Variants in VCPKMT observed in about 807,000 individuals in gnomAD.
VCPKMT encodes protein N-lysine methyltransferase METTL21D.
A neutral mutation model predicts 28.6 loss-of-function variants in VCPKMT; 32 were observed. That is an observed-to-expected ratio of 1.12 (90% CI 0.84 to 1.50). The LOEUF (loss-of-function observed/expected upper bound fraction) is 1.50, where lower values mean the gene tolerates loss of function less well. Ranked by LOEUF, VCPKMT falls within the 40% of genes most tolerant of loss-of-function variation. VCPKMT has a pLI of 0.00. For missense variants in VCPKMT, 366 were observed against 285.0 expected (o/e 1.28, Z -2.05); for synonymous variants, 138 against 111.4 (o/e 1.24, Z -1.50).
chr14:50,114,111 G>T (rs1012117712), intron 4 of VCPKMT, among the ~76,000 whole-genome samples, 174 bp downstream of exon 4: 1 of 152,072 alleles, frequency 6.6e-6, no homozygotes. Flanking sequence ...TAAAGTATCA[G>T]AAAAGATGAA....
chr14:50,112,356 G>C (rs1882733059), intron 5 of VCPKMT, among the ~76,000 whole-genome samples: 1 of 129,814 alleles, frequency 7.7e-6, no homozygotes, highest in African/African-American at 2.9e-5. Context: ...CACCAGTCTA[G>C]GCAACACGGT....
chr14:50,110,735 T>C (rs868134129), intron 5 of VCPKMT, among the ~76,000 whole-genome samples: 5 of 152,206 alleles, frequency 3.3e-5, no homozygotes, highest in African/African-American at 1.2e-4. Flanking sequence ...CAAAAATTTG[T>C]AGATGAACGT....
At chr14:50,113,344 TAAAC>T (rs1256966950) in intron 4 of VCPKMT, 7 of 152,204 alleles carry the variant, frequency 4.6e-5, no homozygotes, top group African/African-American at 1.7e-4. Context: ...AACATGAAAA[TAAAC>T]AAACATTTTA....
At chr14:50,106,002 T>G (rs1282237600), downstream of VCPKMT, among the ~76,000 whole-genome samples, 1 of 152,250 alleles carries the variant, frequency 6.6e-6, no homozygotes, top group Non-Finnish European at 1.5e-5. Flanking sequence ...CCGTATGTAC[T>G]AGGGGCCCAC....
In VCPKMT at chr14:50,112,735, A is replaced by T. The variant is rs757670863; in HGVS notation, c.571-16T>A. 1.4e-4 allele frequency: 208 copies of T among 1,510,892 alleles called. No individual in the cohort carries two copies. The highest frequency in any genetic ancestry group is 1.1e-3 in the South Asian group (94 of 83,178). The allele number at this position is 1,510,892 out of a possible 1,614,324, so 93.6% of individuals were successfully genotyped here. ...GCTGAAGGAGCTATAAATTTAAAAG[A>T]GACATACTTCAAATTCAATAATATG... On this transcript the variant is annotated splice_polypyrimidine_tract_variant and intron_variant, in intron 4 of 5. Coordinates refer to ENST00000395860, the MANE Select transcript of VCPKMT (RefSeq NM_024558.3).
chr14:50,112,157 A>T, intron 5 of VCPKMT: 1 of 728,216 alleles, frequency 1.4e-6, no homozygotes, highest in Non-Finnish European at 1.7e-6. Context: ...ACAGAGATAA[A>T]AGAAACTTAT....
At chr14:50,109,785 T>C in intron 5 of VCPKMT, 72 bp from the exon 6 acceptor site, 1 of 1,519,328 alleles carries the variant, frequency 6.6e-7, no homozygotes, top group Non-Finnish European at 8.9e-7. Flanking sequence ...TAATAATGCC[T>C]AATATGCCTC....
chr14:50,106,695 A>G (rs17122128), downstream of VCPKMT: 114 of 962,196 alleles, frequency 1.2e-4, no homozygotes, highest in Non-Finnish European at 1.4e-4. Flanking sequence ...TTGAATCTCT[A>G]GTTACTTCCT....
chr14:50,112,210 C>A (rs1283170510), intron 5 of VCPKMT: 1 of 341,998 alleles, frequency 2.9e-6, no homozygotes, highest in Non-Finnish European at 4.1e-6. Context: ...AATTATAGAG[C>A]TATACAATTT....
Position 50,109,720 on chromosome 14 carries a change from C to CAA in VCPKMT, c.676-9_676-8dup. 1.9e-6 allele frequency: 3 copies of CAA among 1,574,538 alleles called. No homozygotes were observed. The highest frequency in any genetic ancestry group is 2.3e-5 in the East Asian group (1 of 43,862). On this transcript the variant is annotated splice_region_variant and splice_polypyrimidine_tract_variant and intron_variant, in intron 5 of 5. Coordinates refer to ENST00000395860, the MANE Select transcript of VCPKMT (RefSeq NM_024558.3). ...GGCTTCACGATGGAAATTTCTATAA[C>CAA]AAAAAAAAAGGAAACTTAAAAGATT...
downstream of VCPKMT, among the ~76,000 whole-genome samples, chr14:50,107,786 C>T (rs540064921): frequency 8.5e-5 from 13 of 152,196 alleles, no homozygotes; most frequent in Admixed American, 7.9e-4. Flanking sequence ...GACTTCAGCC[C>T]GACTCCTCCA....
At position 50,112,692 on chromosome 14, in the gene VCPKMT, T is replaced by TTCAA. The variant is rs1285801496; in HGVS notation, c.597_598insTTGA (p.Lys200LeufsTer9). ...TCATCATGTTTTTCCAAAGGAATTT[T>TTCAA]TTCAAAGTCAAAATCTAGCTGAAGG... On this transcript the variant is annotated frameshift_variant, in exon 5 of 6. Coordinates refer to ENST00000395860, the MANE Select transcript of VCPKMT (RefSeq NM_024558.3). LOFTEE classifies it high-confidence loss of function. 6.4e-7 allele frequency: 1 copy of TTCAA among 1,574,492 alleles called. No individual in the cohort carries two copies. Among genetic ancestry groups the TTCAA allele is most frequent in the African/African-American group, 1.3e-5 (1 of 74,122 alleles).
chr14:50,115,895 C>T lies in VCPKMT; in HGVS notation c.394G>A (p.Gly132Ser), dbSNP rs763794817. The change falls in exon 3 of 6, where the codon GGC (glycine) becomes AGC (serine). Residue 132 changes from glycine to serine, a missense_variant. By Grantham distance (56) the Gly-to-Ser change is moderately conservative. Transcript: ENST00000395860. ...KVLKWGEEIE[G>S]FPSPPDFILM... Reference sequence around the variant, plus strand: ...ATGAAGTCGGGTGGAGAAGGAAAGCCTTCTATTTCTTCCCCCCTTAAAAAT... The same window carrying T: ...ATGAAGTCGGGTGGAGAAGGAAAGCTTTCTATTTCTTCCCCCCTTAAAAAT... 4.8e-5 allele frequency: 78 copies of T among 1,613,196 alleles called. No individual in the cohort carries two copies. The highest frequency in any genetic ancestry group is 1.7e-4 in the Admixed American group (10 of 59,982).
chr14:50,112,325 C>G (rs774631473), intron 5 of VCPKMT, among the ~76,000 whole-genome samples: 4 of 138,284 alleles, frequency 2.9e-5, no homozygotes, highest in African/African-American at 5.4e-5. Context: ...GTGGGCGGAT[C>G]ACTTGAGCCC....
In VCPKMT at chr14:50,108,716, T is replaced by C. The variant is rs903905852; in HGVS notation, c.*983A>G. On this transcript the variant is annotated 3_prime_UTR_variant, in exon 6 of 6. Coordinates refer to ENST00000395860, the MANE Select transcript of VCPKMT (RefSeq NM_024558.3). ...CTATAAATACCAGAATTCCATCCGG[T>C]TACTACTCTTTGGAACAAGTATGAT... The C allele has an allele frequency of 2.0e-6, 2 of 985,744 alleles. No homozygotes were observed. The highest frequency in any genetic ancestry group is 2.4e-6 in the Non-Finnish European group (2 of 829,928). The allele number at this position is 985,744 out of a possible 1,614,324, so 61.1% of individuals were successfully genotyped here.
intron 5 of VCPKMT, among the ~76,000 whole-genome samples, chr14:50,110,049 A>C (rs1206626248): frequency 6.6e-6 from 1 of 152,152 alleles, no homozygotes; most frequent in African/African-American, 2.4e-5. Context: ...GTTCGACACA[A>C]GCCTGGCCAA....
chr14:50,108,191 CAAAAAA>C (rs11455635), downstream of VCPKMT, among the ~76,000 whole-genome samples: 2 of 107,098 alleles, frequency 1.9e-5, no homozygotes. Flanking sequence ...AACCCTGTCT[CAAAAAA>C]AAAAAAAAAA....
Position 50,116,119 on chromosome 14 carries a change from A to G in VCPKMT, c.327T>C (p.Asn109=). 1 of 1,614,082 alleles carries G rather than the reference A, an allele frequency of 6.2e-7. No homozygotes were observed. Among genetic ancestry groups the G allele is most frequent in the South Asian group, 1.1e-5 (1 of 91,058 alleles). ...ELQDLLKMNI[N]MNKHLVTGSV... ...AACCAGTGACAAGATGCTTGTTCAT[A>G]TTAATATTCATCTTCAGCAAGTCTT... Residue 109 remains asparagine, a synonymous_variant, in exon 2 of 6, where the codon AAT becomes AAC. Coordinates refer to ENST00000395860, the MANE Select transcript of VCPKMT (RefSeq NM_024558.3).
At position 50,116,469 on chromosome 14, in the gene VCPKMT, T is replaced by A; in HGVS notation, c.84A>T (p.Leu28=). Residue 28 remains leucine (L), a synonymous_variant, in exon 1 of 6, where the codon CTA becomes CTT. Transcript: ENST00000395860. ...CACCGGAGCTATACTGCTGTAGTCG[T>A]AGCACTGTACCATCCCGCTTCTCCA... is the stretch of plus-strand genomic sequence containing the variant. The part of the protein sequence containing the change: ...RVLEKRDGTV[L]RLQQYSSGGV... The A allele has an allele frequency of 6.2e-7, 1 of 1,614,032 alleles. No homozygotes were observed. Among genetic ancestry groups the A allele is most frequent in the Non-Finnish European group, 8.5e-7 (1 of 1,179,968 alleles).
Sources: allele counts gnomAD v4.1 joint callset (sites outside exome capture counted in the v4.1 genomes callset), GRCh38; gene constraint gnomAD v4.1.1; transcripts MANE v1.5; gene names NCBI Gene and HGNC (gene_info 2026-07-23, HGNC 2026-07-21).